SLC30A3: variants seen among roughly 807,000 people sequenced by gnomAD.
The protein encoded by SLC30A3 is probable proton-coupled zinc antiporter SLC30A3.
Under a neutral mutation model 35.6 loss-of-function variants are expected in SLC30A3, and 20 were observed. That is an observed-to-expected ratio of 0.56 (90% CI 0.39 to 0.82). SLC30A3 has a LOEUF of 0.82. Ranked by LOEUF, SLC30A3 falls within the 40% of genes least tolerant of loss-of-function variation. The pLI is 0.00. For missense variants in SLC30A3, 401 were observed against 530.6 expected, an observed-to-expected ratio of 0.76 and a Z score of 2.40; for synonymous variants, 217 against 224.7, an observed-to-expected ratio of 0.97 and a Z score of 0.31.
rs1299378255 is a variant in SLC30A3 at position 27,254,433 on chromosome 2, A to AG, written c.*878dup. The AG allele has an allele frequency of 2.0e-5, 3 of 152,708 alleles. No individual in the cohort carries two copies. Among genetic ancestry groups the AG allele is most frequent in the African/African-American group, 7.2e-5 (3 of 41,418 alleles). The allele number at this position is 152,708 out of a possible 1,614,324, so 9.5% of individuals were successfully genotyped here. On this transcript the variant is annotated 3_prime_UTR_variant, in exon 8 of 8. Coordinates refer to ENST00000233535, the MANE Select transcript of SLC30A3 (RefSeq NM_003459.5). ...ACTGGTGGCTTTTACCCTCCATCTG[A>AG]GGGTGGAGGGGCTGGGAAGGGACAG...
At chr2:27,268,528 C>T (rs182087078) in intron 1 of SLC30A3, among the ~76,000 whole-genome samples, 32 of 152,138 alleles carry the variant, frequency 2.1e-4, no homozygotes, top group African/African-American at 7.5e-4. Flanking sequence ...CCGAGGTGGG[C>T]GGATCACAAG....
chr2:27,263,021 A>T lies in SLC30A3; in HGVS notation c.-115T>A. ...GGGATCCCCGCAGGGCGGCGGGGCC[A>T]CCAGAGTGGAGCGAACTGCAGCGAC... On this transcript the variant is annotated 5_prime_UTR_variant, in exon 1 of 8. Transcript: ENST00000233535. 7.2e-7 allele frequency: 1 copy of T among 1,398,462 alleles called. No homozygotes were observed. Among genetic ancestry groups the T allele is most frequent in the East Asian group, 3.1e-5 (1 of 32,390 alleles). The allele number at this position is 1,398,462 out of a possible 1,614,324, so 86.6% of individuals were successfully genotyped here.
At chr2:27,264,861 C>A (rs1009344495), upstream of SLC30A3, among the ~76,000 whole-genome samples, 14 of 152,364 alleles carry the variant, frequency 9.2e-5, no homozygotes, top group South Asian at 6.2e-4. The surrounding 1 kb of genome is among the most constrained non-coding windows in gnomAD (Gnocchi z 6.1). Context: ...GAACCCAAGT[C>A]CCTGCTTAGC....
upstream of SLC30A3, chr2:27,263,334 C>T (rs1263790362): frequency 2.1e-6 from 1 of 468,134 alleles, no homozygotes; most frequent in Non-Finnish European, 4.4e-6. Context: ...GCCCAAGAAC[C>T]TCACGACCAA....
chr2:27,254,986 G>A lies in SLC30A3; in HGVS notation c.*326C>T, dbSNP rs916773205. 3.9e-6 allele frequency: 4 copies of A among 1,024,394 alleles called. No homozygotes were observed. The Admixed American group carries it at 1.4e-4, about 35-fold the overall frequency. 63.5% of individuals were successfully genotyped at this position (1,024,394 alleles called of 1,614,324 possible). A position where few individuals can be genotyped will look rare whatever the true frequency, so the allele number is the denominator to read the frequency against. On this transcript the variant is annotated 3_prime_UTR_variant, in exon 8 of 8. Coordinates refer to ENST00000233535, the MANE Select transcript of SLC30A3 (RefSeq NM_003459.5). ...TGCCACACAGACAAATGGACTGCAGGGAAAGGATGTTCGTGGCTCCACATG... is the reference window on the plus strand; with the variant it reads ...TGCCACACAGACAAATGGACTGCAGAGAAAGGATGTTCGTGGCTCCACATG...
chr2:27,258,737 C>A lies in SLC30A3; in HGVS notation c.277+16G>T. On this transcript the variant is annotated intron_variant, in intron 2 of 7. Coordinates refer to ENST00000233535, the MANE Select transcript of SLC30A3 (RefSeq NM_003459.5). This position sits in a 1 kb window ranked among gnomAD's most constrained non-coding sequence, Gnocchi z 4.0. Reference sequence around the variant, plus strand: ...GTATTTGGAGAATGGGGTTTAAGGGCTGCTCCCCAACTTACCGACCACCTC... The same window carrying A: ...GTATTTGGAGAATGGGGTTTAAGGGATGCTCCCCAACTTACCGACCACCTC... The A allele has an allele frequency of 6.2e-7, 1 of 1,613,734 alleles. No homozygotes were observed. Among genetic ancestry groups the A allele is most frequent in the Non-Finnish European group, 8.5e-7 (1 of 1,179,794 alleles).
At position 27,271,538 on chromosome 2, in the gene SLC30A3, T is replaced by C. The variant is rs1350841880; in HGVS notation, c.-159+3639A>G. Reference sequence around the variant, plus strand: ...CCCTGTGAAATGGCACAGGTTTTTATAGAAGAGGAAAAATAGACTCAGAGA... The same window carrying C: ...CCCTGTGAAATGGCACAGGTTTTTACAGAAGAGGAAAAATAGACTCAGAGA... On this transcript the variant is annotated intron_variant, in intron 1 of 5. Coordinates refer to the SLC30A3 transcript ENST00000424577. This position sits in a 1 kb window ranked among gnomAD's most constrained non-coding sequence, Gnocchi z 4.3. Among the ~76,000 whole-genome samples the C allele has an allele frequency of 1.3e-5, 2 of 152,248 alleles. No individual in the cohort carries two copies. Among genetic ancestry groups the C allele is most frequent in the Non-Finnish European group, 1.5e-5 (1 of 68,038 alleles).
chr2:27,273,111 G>A (rs1281865754), intron 1 of SLC30A3, among the ~76,000 whole-genome samples: 1 of 151,346 alleles, frequency 6.6e-6, no homozygotes, highest in Non-Finnish European at 1.5e-5. Flanking sequence ...GTGTGTGTGT[G>A]TGTGTGTGTG....
At chr2:27,273,856 C>T (rs1224758120) in intron 1 of SLC30A3, among the ~76,000 whole-genome samples, 1 of 151,614 alleles carries the variant, frequency 6.6e-6, no homozygotes, top group East Asian at 1.9e-4. Context: ...GTTTGTTCTG[C>T]TAGTTCTGTC....
chr2:27,262,700 C>A lies in SLC30A3; in HGVS notation c.95+112G>T. Reference sequence around the variant, plus strand: ...AAGCGGGGTGCAGCGGAGCGAGGGACCCGCGGTGCGCTGGGGCGGCCGCCG... The same window carrying A: ...AAGCGGGGTGCAGCGGAGCGAGGGAACCGCGGTGCGCTGGGGCGGCCGCCG... On this transcript the variant is annotated intron_variant, in intron 1 of 7. Coordinates refer to ENST00000233535, the MANE Select transcript of SLC30A3 (RefSeq NM_003459.5). The surrounding 1 kb of genome is among the most constrained non-coding windows in gnomAD (Gnocchi z 7.5). 1 of 1,059,310 alleles carries A rather than the reference C, an allele frequency of 9.4e-7. No individual in the cohort carries two copies. Among genetic ancestry groups the A allele is most frequent in the Non-Finnish European group, 1.3e-6 (1 of 771,570 alleles). 65.6% of individuals were successfully genotyped at this position (1,059,310 alleles called of 1,614,324 possible). A position where few individuals can be genotyped will look rare whatever the true frequency, so the allele number is the denominator to read the frequency against.
At chr2:27,259,002 G>T in intron 1 of SLC30A3, 68 bp from the exon 2 acceptor site, 1 of 1,315,630 alleles carries the variant, frequency 7.6e-7, no homozygotes, top group Non-Finnish European at 1.0e-6. Context: ...CACGTCCTTA[G>T]TCCCCAGTGC....
In SLC30A3 at chr2:27,257,395, G is replaced by C. The variant is rs371322263; in HGVS notation, c.579-43C>G. The C allele has an allele frequency of 4.5e-6, 7 of 1,545,432 alleles. No individual in the cohort carries two copies. The highest frequency in any genetic ancestry group is 4.4e-6 in the Non-Finnish European group (5 of 1,137,494). On this transcript the variant is annotated intron_variant, in intron 4 of 7. Coordinates refer to ENST00000233535, the MANE Select transcript of SLC30A3 (RefSeq NM_003459.5). The surrounding 1 kb of genome is among the most constrained non-coding windows in gnomAD (Gnocchi z 4.7). Reference sequence around the variant, plus strand: ...CACCTCAGCCTAGGGCCCTGCTCCTGGCCTCCTATACCCCCATCTCCATGT... The same window carrying C: ...CACCTCAGCCTAGGGCCCTGCTCCTCGCCTCCTATACCCCCATCTCCATGT...
upstream of SLC30A3, among the ~76,000 whole-genome samples, chr2:27,266,469 A>G (rs1677499544): frequency 6.6e-6 from 1 of 152,132 alleles, no homozygotes; most frequent in Non-Finnish European, 1.5e-5. Context: ...TGGAGCTATC[A>G]TCCAGTTTCT....
Sources: allele counts gnomAD v4.1 joint callset (sites outside exome capture counted in the v4.1 genomes callset), GRCh38; gene constraint gnomAD v4.1.1; non-coding constraint Gnocchi (gnomAD v3.1); transcripts MANE v1.5; gene names NCBI Gene and HGNC (gene_info 2026-07-23, HGNC 2026-07-21).